Variants in SLK observed in about 807,000 individuals in gnomAD.
The protein encoded by SLK is STE20 like kinase, also known as STE20-like serine/threonine-protein kinase.
In SLK, 67 loss-of-function variants were observed where a neutral mutation model predicts 147.7. The observed-to-expected ratio is 0.45, with a 90% CI of 0.37 to 0.56. The LOEUF (loss-of-function observed/expected upper bound fraction) is 0.56. SLK is among the 20% of genes least tolerant of loss of function. The pLI, the probability that SLK is intolerant of heterozygous loss-of-function variation, is 0.00. For synonymous variants in SLK, 441 were observed against 475.0 expected (o/e 0.93, Z 0.93); for missense variants, 1,136 against 1,438.8 (o/e 0.79, Z 3.41).
chr10:103,998,402 G>T (rs1431074753), intron 4 of SLK, among the ~76,000 whole-genome samples: 7 of 152,104 alleles, frequency 4.6e-5, no homozygotes, highest in African/African-American at 1.7e-4. Context: ...TAATGTTACT[G>T]TTCTGTATAA....
At chr10:104,021,553 A>C (rs1255616221) in intron 17 of SLK, 67 bp from the exon 18 acceptor site, 18 of 801,360 alleles carry the variant, frequency 2.2e-5, no homozygotes, top group Admixed American at 1.5e-4. Context: ...ATTATGGAAG[A>C]TAATTGTATT....
At position 104,005,876 on chromosome 10, in the gene SLK, G is replaced by T. The variant is rs757091148; in HGVS notation, c.2481-36G>T. 6 of 1,566,364 alleles carry T rather than the reference G, an allele frequency of 3.8e-6. No homozygotes were observed. In the African/African-American group the frequency reaches 7.0e-5, roughly 18 times the overall value. On this transcript the variant is annotated intron_variant, in intron 10 of 18. Coordinates refer to ENST00000369755, the MANE Select transcript of SLK (RefSeq NM_014720.4). ...AACGTATTTCAGAAGTGTAATTTTTGCTGTCTTCTCTATCATTACCATTAA... is the reference window on the plus strand; with the variant it reads ...AACGTATTTCAGAAGTGTAATTTTTTCTGTCTTCTCTATCATTACCATTAA...
Position 104,026,057 on chromosome 10 carries a change from A to G in SLK, c.*337A>G. The G allele has an allele frequency of 5.6e-6, 1 of 177,618 alleles. No individual in the cohort carries two copies. The highest frequency in any genetic ancestry group is 1.2e-5 in the Non-Finnish European group (1 of 84,668). 11.0% of individuals were successfully genotyped at this position (177,618 alleles called of 1,614,324 possible). On this transcript the variant is annotated 3_prime_UTR_variant, in exon 19 of 19. Coordinates refer to ENST00000369755, the MANE Select transcript of SLK (RefSeq NM_014720.4). ...ATTTAAGAAAAACTGTTACATCACT[A>G]AGTATTAATAAATTCTTCTTACCTG...
intron 13 of SLK, among the ~76,000 whole-genome samples, chr10:104,012,923 A>G (rs1189695381): frequency 6.6e-6 from 1 of 152,218 alleles, no homozygotes; most frequent in East Asian, 1.9e-4. Flanking sequence ...ATCAAATTCT[A>G]AAGTCAAAAC....
intron 7 of SLK, among the ~76,000 whole-genome samples, chr10:104,000,874 A>G (rs1045155371): frequency 1.3e-5 from 2 of 152,004 alleles, no homozygotes; most frequent in African/African-American, 4.8e-5. Flanking sequence ...CCTGGCCAAT[A>G]TAGTGAAACC....
intron 9 of SLK, 57 bp from the exon 10 acceptor site, chr10:104,005,504 G>A: frequency 6.7e-7 from 1 of 1,485,138 alleles, no homozygotes; most frequent in Non-Finnish European, 9.1e-7. Flanking sequence ...AGAAGAAAAT[G>A]TTTTCTACCT....
intron 4 of SLK, among the ~76,000 whole-genome samples, chr10:103,996,024 A>C (rs1426203178): frequency 6.6e-6 from 1 of 152,076 alleles, no homozygotes; most frequent in Non-Finnish European, 1.5e-5. Flanking sequence ...TTTAACCCTC[A>C]TTTCTATATT....
chr10:104,002,798 T>C lies in SLK; in HGVS notation c.1620T>C (p.Asp540=). The C allele has an allele frequency of 6.2e-7, 1 of 1,614,036 alleles. No homozygotes were observed. Among genetic ancestry groups the C allele is most frequent in the Non-Finnish European group, 8.5e-7 (1 of 1,180,010 alleles). Residue 540 remains aspartate, a synonymous_variant, in exon 9 of 19, where the codon GAT becomes GAC. Transcript: ENST00000369755. ...GGGAAGACGACAAAACTCAAAAAGA[T>C]GTGATCAGCAATACAAGTGATGTGA... ...KLGEDDKTQK[D]VISNTSDVIG... is the part of the protein sequence containing the mutation.
intron 1 of SLK, among the ~76,000 whole-genome samples, chr10:103,971,715 A>C (rs557762248): frequency 6.6e-6 from 1 of 152,276 alleles, no homozygotes; most frequent in Non-Finnish European, 1.5e-5. Context: ...AGTAGTTTTT[A>C]TATGACAACT....
At position 104,005,843 on chromosome 10, in the gene SLK, T is replaced by TAA. The variant is rs561742673; in HGVS notation, c.2481-61_2481-60dup. On this transcript the variant is annotated intron_variant, in intron 10 of 18. Coordinates refer to ENST00000369755, the MANE Select transcript of SLK (RefSeq NM_014720.4). ...ACTCGAAAGAAAATTTTTAAAGCTT[T>TAA]AAAAAAAAACGTATTTCAGAAGTGT... is the stretch of plus-strand genomic sequence containing the variant. 7 of 1,476,610 alleles carry TAA rather than the reference T, an allele frequency of 4.7e-6. No individual in the cohort carries two copies. The Admixed American group carries it at 1.4e-4, about 29-fold the overall frequency. The allele number at this position is 1,476,610 out of a possible 1,614,324, so 91.5% of individuals were successfully genotyped here.
Position 103,993,217 on chromosome 10 carries a change from A to G in SLK, c.514+84A>G, listed in dbSNP as rs1844123873. The G allele has an allele frequency of 3.1e-5, 31 of 1,004,366 alleles. No individual in the cohort carries two copies. In the South Asian group the frequency reaches 5.5e-4, roughly 18 times the overall value. 62.2% of individuals were successfully genotyped at this position (1,004,366 alleles called of 1,614,324 possible). ...GTATGTGACTTAATGTGGTTTTATT[A>G]CTACTTAAATATGTGAAACATGGAG... On this transcript the variant is annotated intron_variant, in intron 4 of 18. Transcript: ENST00000369755.
In SLK at chr10:104,005,645, A is replaced by C. The variant is rs1313409459; in HGVS notation, c.2434A>C (p.Ile812Leu). ...AGAAGTGAGTGTAACAACATCAAAG[A>C]TAGTTACAGATAGTGATTCCAAAAC... ...GVEVSVTTSK[I>L]VTDSDSKTEE... Residue 812 changes from isoleucine (I) to leucine (L), a missense_variant, in exon 10 of 19, where the codon ATA becomes CTA. Ile to Leu is a conservative substitution (Grantham distance 5). Transcript: ENST00000369755. 6.2e-7 allele frequency: 1 copy of C among 1,608,500 alleles called. No individual in the cohort carries two copies. The highest frequency in any genetic ancestry group is 1.7e-5 in the Admixed American group (1 of 59,488).
At chr10:104,001,395 G>A (rs987966284) in intron 7 of SLK, 49 bp from the exon 8 acceptor site, 2 of 1,468,198 alleles carry the variant, frequency 1.4e-6, no homozygotes, top group Non-Finnish European at 1.9e-6. Context: ...TTGAAACTTA[G>A]TTTAGTAGTA....
intron 6 of SLK, among the ~76,000 whole-genome samples, 195 bp from the exon 7 acceptor site, chr10:103,999,672 T>C (rs1564657106): frequency 1.3e-5 from 2 of 152,198 alleles, no homozygotes; most frequent in African/African-American, 2.4e-5. Context: ...ATGTACCTAC[T>C]TACATATATG....
chr10:104,025,750 G>A lies in SLK; in HGVS notation c.*30G>A. ...GGGAAGCATTCTGTGCGTGGGTTTG[G>A]CTCTTTCAGTATGTCATTCTGTTCT... On this transcript the variant is annotated 3_prime_UTR_variant, in exon 19 of 19. Coordinates refer to ENST00000369755, the MANE Select transcript of SLK (RefSeq NM_014720.4). 1.9e-6 allele frequency: 3 copies of A among 1,604,040 alleles called. No homozygotes were observed. The African/African-American group carries it at 4.0e-5, about 21-fold the overall frequency.
rs1188333936 is a variant in SLK at position 104,021,661 on chromosome 10, A to G, written c.3489A>G (p.Lys1163=). The change falls in exon 18 of 19, where the codon AAA becomes AAG. Residue 1163 remains lysine (K), a synonymous_variant. Transcript: ENST00000369755. Reference sequence around the variant, plus strand: ...TGTTGGTTGAGCATGAGACTCAGAAACTGAAGGAGTTAGATGAGGAACATA... The same window carrying G: ...TGTTGGTTGAGCATGAGACTCAGAAGCTGAAGGAGTTAGATGAGGAACATA... ...CHLLVEHETQ[K]LKELDEEHSQ... 6.2e-7 allele frequency: 1 copy of G among 1,611,626 alleles called. No individual in the cohort carries two copies. Among genetic ancestry groups the G allele is most frequent in the South Asian group, 1.1e-5 (1 of 90,474 alleles).
intron 18 of SLK, among the ~76,000 whole-genome samples, chr10:104,024,101 T>G (rs1844568598): frequency 6.6e-6 from 1 of 152,214 alleles, no homozygotes; most frequent in African/African-American, 2.4e-5. Context: ...TTAACTGACA[T>G]CTACGCTAGA....
chr10:103,979,945 A>G (rs1176068906), intron 1 of SLK, among the ~76,000 whole-genome samples: 1 of 152,194 alleles, frequency 6.6e-6, no homozygotes, highest in Non-Finnish European at 1.5e-5. Flanking sequence ...GATGGTGAAG[A>G]TATCCTGCTG....
At chr10:103,989,311 G>T (rs1589531098) in intron 1 of SLK, among the ~76,000 whole-genome samples, 1 of 152,108 alleles carries the variant, frequency 6.6e-6, no homozygotes, top group Non-Finnish European at 1.5e-5. Context: ...AAATTGAAAA[G>T]ATACAAGTAC....
Sources: gnomAD v4.1 joint callset for allele counts (sites outside exome capture counted in the v4.1 genomes callset) on GRCh38, gnomAD v4.1.1 for gene constraint, MANE v1.5 for transcripts, NCBI Gene and HGNC (gene_info 2026-07-23, HGNC 2026-07-21) for gene names.